Variants in SLC25A21 observed in about 807,000 individuals in gnomAD.
SLC25A21 encodes the protein solute carrier family 25 member 21, also known as mitochondrial 2-oxodicarboxylate carrier.
A neutral mutation model predicts 43.8 loss-of-function variants in SLC25A21; 47 were observed. The ratio of observed to expected loss-of-function variants is 1.07; its 90% confidence interval spans 0.85 to 1.37. The LOEUF (loss-of-function observed/expected upper bound fraction) is 1.37, where lower values mean the gene tolerates loss of function less well. Among genes scored for constraint, SLC25A21 ranks in the 40% most tolerant of loss-of-function variants. SLC25A21 has a pLI of 0.00. For synonymous variants in SLC25A21, 131 were observed against 121.3 expected (o/e 1.08, Z -0.52); for missense variants, 352 against 350.2 (o/e 1.00, Z -0.04).
At chr14:36,798,600 T>C (rs1457804669) in intron 3 of SLC25A21, among the ~76,000 whole-genome samples, 1 of 151,806 alleles carries the variant, frequency 6.6e-6, no homozygotes, top group East Asian at 1.9e-4. Context: ...CAGAGGACTG[T>C]GTACACATGG....
chr14:36,716,348 G>C (rs1884133859), intron 6 of SLC25A21, among the ~76,000 whole-genome samples: 1 of 152,084 alleles, frequency 6.6e-6, no homozygotes, highest in African/African-American at 2.4e-5. Flanking sequence ...ATGAGGACTA[G>C]AGTTAATAAA....
chr14:36,801,236 C>T (rs1038826274), intron 3 of SLC25A21, among the ~76,000 whole-genome samples: 1 of 152,134 alleles, frequency 6.6e-6, no homozygotes, highest in African/African-American at 2.4e-5. Flanking sequence ...GGAGTTTTTC[C>T]CCCTAGGTTT....
In SLC25A21 at chr14:36,679,608, T is replaced by G; in HGVS notation, c.*1050A>C. On this transcript the variant is annotated 3_prime_UTR_variant, in exon 10 of 10. Transcript: ENST00000331299. The stretch of plus-strand genomic sequence containing the variant: ...CCTTAGAAATGCTAAGTGTATTTCT[T>G]TTTCAGAACATTTCCCCTTCATCAT... 1.0e-6 allele frequency: 1 copy of G among 985,404 alleles called. No individual in the cohort carries two copies. The highest frequency in any genetic ancestry group is 1.7e-5 in the African/African-American group (1 of 57,344). The allele number at this position is 985,404 out of a possible 1,614,324, so 61.0% of individuals were successfully genotyped here.
At chr14:36,714,147 A>T (rs1323584025) in intron 6 of SLC25A21, among the ~76,000 whole-genome samples, 2 of 152,260 alleles carry the variant, frequency 1.3e-5, no homozygotes, top group Non-Finnish European at 1.5e-5. Flanking sequence ...CGATAATGGC[A>T]ATTATGCTGA....
chr14:37,047,369 G>T (rs1961608637), intron 1 of SLC25A21, among the ~76,000 whole-genome samples: 1 of 152,162 alleles, frequency 6.6e-6, no homozygotes, highest in African/African-American at 2.4e-5. Flanking sequence ...TAACAGATAT[G>T]AATCAACTGC....
intron 1 of SLC25A21, among the ~76,000 whole-genome samples, chr14:36,914,904 A>G (rs977549382): frequency 6.6e-6 from 1 of 152,208 alleles, no homozygotes; most frequent in African/African-American, 2.4e-5. Context: ...TTGATTTCAA[A>G]CTGCAAAGAA....
At chr14:36,818,542 C>T (rs1566644513) in intron 2 of SLC25A21, among the ~76,000 whole-genome samples, 1 of 152,204 alleles carries the variant, frequency 6.6e-6, no homozygotes, top group Non-Finnish European at 1.5e-5. Flanking sequence ...CAGTGAGAGG[C>T]CCCATTACAC....
chr14:37,107,701 C>T (rs1962941567), intron 1 of SLC25A21, among the ~76,000 whole-genome samples: 1 of 152,060 alleles, frequency 6.6e-6, no homozygotes, highest in Non-Finnish European at 1.5e-5. Flanking sequence ...AACTGAAGCA[C>T]AGAGGTAAAC....
chr14:36,891,416 C>T (rs145179187), intron 1 of SLC25A21, among the ~76,000 whole-genome samples: 64 of 152,210 alleles, frequency 4.2e-4, no homozygotes, highest in African/African-American at 1.5e-3. Flanking sequence ...GATTTAGCTA[C>T]CAGGTAATTT....
At chr14:36,932,773 C>T (rs1022187003) in intron 1 of SLC25A21, among the ~76,000 whole-genome samples, 5 of 151,720 alleles carry the variant, frequency 3.3e-5, no homozygotes, top group South Asian at 2.1e-4. Context: ...CAAAGTCCCC[C>T]GAGAAGGGAA....
intron 1 of SLC25A21, among the ~76,000 whole-genome samples, chr14:37,002,855 C>T (rs1960518237): frequency 6.6e-6 from 1 of 152,138 alleles, no homozygotes; most frequent in Non-Finnish European, 1.5e-5. Flanking sequence ...GTAGCAACAG[C>T]ACTTCAGTGA....
At chr14:37,022,180 G>A (rs941982555) in intron 1 of SLC25A21, among the ~76,000 whole-genome samples, 3 of 151,576 alleles carry the variant, frequency 2.0e-5, no homozygotes, top group African/African-American at 7.3e-5. Context: ...AATACATCTT[G>A]TACAGCTAAT....
intron 5 of SLC25A21, among the ~76,000 whole-genome samples, chr14:36,726,232 C>T (rs1029500287): frequency 5.9e-5 from 9 of 151,934 alleles, no homozygotes; most frequent in African/African-American, 2.2e-4. Flanking sequence ...TCATCTTTTC[C>T]CTATTTTAAA....
At chr14:36,786,067 G>C (rs561663496) in intron 3 of SLC25A21, among the ~76,000 whole-genome samples, 1 of 152,360 alleles carries the variant, frequency 6.6e-6, no homozygotes, top group East Asian at 1.9e-4. Context: ...TCCTTGGGAA[G>C]CACCCTAGTG....
intron 2 of SLC25A21, among the ~76,000 whole-genome samples, chr14:36,860,157 C>T (rs536486607): frequency 6.6e-6 from 1 of 150,432 alleles, no homozygotes; most frequent in African/African-American, 2.4e-5. Flanking sequence ...AAGAGAGACA[C>T]ACGGGAGGCC....
At chr14:36,868,992 C>T (rs1890292143) in intron 2 of SLC25A21, among the ~76,000 whole-genome samples, 2 of 152,154 alleles carry the variant, frequency 1.3e-5, no homozygotes, top group Admixed American at 1.3e-4. Flanking sequence ...GTTATCAGGT[C>T]CTGGGCTCTG....
chr14:37,167,056 G>A (rs2138957387), intron 1 of SLC25A21, among the ~76,000 whole-genome samples: 1 of 152,306 alleles, frequency 6.6e-6, no homozygotes, highest in South Asian at 2.1e-4. Context: ...GAATAAAGGT[G>A]TAAAGTACTG....
intron 3 of SLC25A21, among the ~76,000 whole-genome samples, chr14:36,808,517 T>C (rs544155749): frequency 6.6e-6 from 1 of 152,300 alleles, no homozygotes; most frequent in African/African-American, 2.4e-5. Flanking sequence ...GACTTCAGAA[T>C]AGCCATTTAA....
intron 1 of SLC25A21, among the ~76,000 whole-genome samples, chr14:36,923,967 C>T (rs1433677772): frequency 6.6e-6 from 1 of 152,080 alleles, no homozygotes; most frequent in Non-Finnish European, 1.5e-5. Context: ...AAATCAAAAC[C>T]ACAATGAGAT....
Sources: allele counts gnomAD v4.1 joint callset (sites outside exome capture counted in the v4.1 genomes callset), GRCh38; gene constraint gnomAD v4.1.1; transcripts MANE v1.5; gene names NCBI Gene and HGNC (gene_info 2026-07-23, HGNC 2026-07-21).